Variants in SBF2 observed in about 807,000 individuals in gnomAD.
The protein encoded by SBF2 is SET binding factor 2, also known as myotubularin-related protein 13.
SBF2 carries 112 observed loss-of-function variants against 225.2 expected under a neutral mutation model. The ratio of observed to expected loss-of-function variants is 0.50; its 90% confidence interval spans 0.43 to 0.58. The LOEUF is 0.58. SBF2 is among the 20% of genes least tolerant of loss of function. The pLI is 0.00. For synonymous variants in SBF2, 763 were observed against 773.3 expected, an observed-to-expected ratio of 0.99 and a Z score of 0.22; for missense variants, 1,996 against 2,206.2, an observed-to-expected ratio of 0.90 and a Z score of 1.91.
rs548770933 is a variant in SBF2, at chr11:9,971,089, C to CT, written c.1396-2545dup. On this transcript the variant is annotated intron_variant, in intron 13 of 39. Transcript: ENST00000256190. ...TCTCTAAAACATATTGGGTAGGTATCTTTTTTTTCAGGCTGGCCAGGTAAT... is the reference window on the plus strand; with the variant it reads ...TCTCTAAAACATATTGGGTAGGTATCTTTTTTTTTCAGGCTGGCCAGGTAAT... Among the ~76,000 whole-genome samples, 14 of 151,834 alleles carry CT rather than the reference C, an allele frequency of 9.2e-5. No homozygotes were observed. In the South Asian group the frequency reaches 1.3e-3, roughly 14 times the overall value.
At chr11:10,011,930 C>T (rs991792301) in intron 6 of SBF2, among the ~76,000 whole-genome samples, 12 of 152,130 alleles carry the variant, frequency 7.9e-5, no homozygotes, top group African/African-American at 2.2e-4. Flanking sequence ...TCTTCAAATA[C>T]GTTTTTCTAA....
intron 2 of SBF2, among the ~76,000 whole-genome samples, chr11:10,178,466 G>C (rs1956570349): frequency 6.8e-6 from 1 of 146,164 alleles, no homozygotes; most frequent in East Asian, 2.1e-4. Flanking sequence ...CTAATATCCA[G>C]AATCTACAAT....
At position 9,780,359 on chromosome 11, in the gene SBF2, T is replaced by C. The variant is rs981320523; in HGVS notation, c.*59A>G. The C allele has an allele frequency of 7.0e-6, 10 of 1,437,702 alleles. No homozygotes were observed. Among genetic ancestry groups the C allele is most frequent in the African/African-American group, 2.8e-5 (2 of 71,612 alleles). The allele number at this position is 1,437,702 out of a possible 1,614,324, so 89.1% of individuals were successfully genotyped here. Reference sequence around the variant, plus strand: ...GCTCCTCAAGGATCCATGCTTCTTTTTCTATCTATCTGGCAGCATGAGTTC... The same window carrying C: ...GCTCCTCAAGGATCCATGCTTCTTTCTCTATCTATCTGGCAGCATGAGTTC... On this transcript the variant is annotated 3_prime_UTR_variant, in exon 40 of 40. Coordinates refer to ENST00000256190, the MANE Select transcript of SBF2 (RefSeq NM_030962.4).
At chr11:10,268,985 A>C (rs971919445) in intron 1 of SBF2, among the ~76,000 whole-genome samples, 1 of 152,194 alleles carries the variant, frequency 6.6e-6, no homozygotes, top group African/African-American at 2.4e-5. Context: ...TTGTTTCTTA[A>C]GCAATACCTC....
chr11:9,942,897 G>GAA (rs1865344454), intron 16 of SBF2, among the ~76,000 whole-genome samples: 1 of 26,642 alleles, frequency 3.8e-5, no homozygotes, highest in Non-Finnish European at 9.6e-5. Flanking sequence ...AAGAAAGAGA[G>GAA]AGAGAGAAAG....
chr11:9,808,741 G>A (rs1853994040), intron 31 of SBF2, 160 bp downstream of exon 31: 1 of 584,546 alleles, frequency 1.7e-6, no homozygotes, highest in East Asian at 3.2e-5. Context: ...AAGAGCTCAT[G>A]GTACGGAGTT....
chr11:10,140,886 G>C (rs1954611870), intron 2 of SBF2, among the ~76,000 whole-genome samples: 1 of 152,114 alleles, frequency 6.6e-6, no homozygotes, highest in African/African-American at 2.4e-5. Flanking sequence ...CCACACATCT[G>C]TTTTCAGAAG....
intron 13 of SBF2, among the ~76,000 whole-genome samples, chr11:9,988,899 G>A (rs143000159): frequency 9.2e-5 from 14 of 152,194 alleles, no homozygotes; most frequent in Middle Eastern, 6.8e-3. Context: ...ATCACACTAC[G>A]GGGTTTCACC....
intron 1 of SBF2, among the ~76,000 whole-genome samples, chr11:10,261,813 C>A (rs1423319413): frequency 1.3e-5 from 2 of 152,104 alleles, no homozygotes; most frequent in Non-Finnish European, 2.9e-5. Flanking sequence ...TTCTAACAAA[C>A]ATAATAATGT....
At chr11:10,236,294 A>C (rs952361222) in intron 1 of SBF2, among the ~76,000 whole-genome samples, 3 of 152,040 alleles carry the variant, frequency 2.0e-5, no homozygotes, top group African/African-American at 7.2e-5. Context: ...TCTATTAACA[A>C]TTTTTTATAA....
At chr11:9,836,609 C>T (rs1855750350) in intron 26 of SBF2, among the ~76,000 whole-genome samples, 1 of 152,112 alleles carries the variant, frequency 6.6e-6, no homozygotes, top group Admixed American at 6.5e-5. Context: ...CTTAGAATTA[C>T]CTTTTCAGTT....
chr11:10,128,768 C>T (rs887694662), intron 2 of SBF2, among the ~76,000 whole-genome samples: 1 of 152,134 alleles, frequency 6.6e-6, no homozygotes, highest in East Asian at 1.9e-4. Context: ...AAAAAGAATG[C>T]TCAACAAAAT....
intron 13 of SBF2, among the ~76,000 whole-genome samples, chr11:9,986,308 C>T (rs1947195479): frequency 1.3e-5 from 2 of 152,036 alleles, no homozygotes; most frequent in Admixed American, 6.6e-5. Flanking sequence ...GTTCACAGCC[C>T]TAAATGCCTA....
chr11:9,853,450 A>T (rs1857103497), intron 20 of SBF2, 90 bp downstream of exon 20: 1 of 1,105,736 alleles, frequency 9.0e-7, no homozygotes, highest in Non-Finnish European at 1.4e-6. Context: ...GCATGGCTGA[A>T]CTATAATGGA....
chr11:9,793,671 G>A (rs913270348), intron 33 of SBF2, among the ~76,000 whole-genome samples: 8 of 152,052 alleles, frequency 5.3e-5, no homozygotes, highest in Admixed American at 1.3e-4. Context: ...GATTACAGGC[G>A]TGAACCACCG....
At chr11:10,145,073 GT>G (rs1954825214) in intron 2 of SBF2, among the ~76,000 whole-genome samples, 1 of 152,156 alleles carries the variant, frequency 6.6e-6, no homozygotes, top group Admixed American at 6.5e-5. Context: ...AGGAATTCAC[GT>G]AGCACAAAGA....
intron 27 of SBF2, among the ~76,000 whole-genome samples, chr11:9,830,865 T>A (rs1855357217): frequency 1.3e-5 from 2 of 152,152 alleles, no homozygotes; most frequent in African/African-American, 2.4e-5. Context: ...AAATTAGATT[T>A]AAAAAAATCA....
intron 2 of SBF2, among the ~76,000 whole-genome samples, chr11:10,054,915 TTTG>T (rs1001511494): frequency 9.2e-5 from 14 of 151,994 alleles, no homozygotes; most frequent in Non-Finnish European, 1.5e-4. Context: ...TGTTTTTTTG[TTTG>T]TTGTTTGTTT....
Position 9,865,688 on chromosome 11 carries a change from C to CAAAAAAAAAA in SBF2, c.1930-7302_1930-7293dup, listed in dbSNP as rs1174863548. Among the ~76,000 whole-genome samples the CAAAAAAAAAA allele has an allele frequency of 1.3e-3, 19 of 14,838 alleles. 3 individuals carry two copies. Among genetic ancestry groups the CAAAAAAAAAA allele is most frequent in the African/African-American group, 3.9e-3 (15 of 3,814 alleles). The allele number at this position is 14,838 out of a possible 152,430, so 9.7% of individuals were successfully genotyped here. ...CCTGGATGACAGAGCAAAACTGTCT[C>CAAAAAAAAAA]AAAAAAAAAAAAAAAAAAAAAAAAA... On this transcript the variant is annotated intron_variant, in intron 17 of 39. Transcript: ENST00000256190.
Sources: allele counts gnomAD v4.1 joint callset (sites outside exome capture counted in the v4.1 genomes callset), GRCh38; gene constraint gnomAD v4.1.1; transcripts MANE v1.5; gene names NCBI Gene and HGNC (gene_info 2026-07-23, HGNC 2026-07-21).